The following MED12L variants were observed in gnomAD, a reference collection of about 807,000 sequenced individuals.
MED12L encodes mediator of RNA polymerase II transcription subunit 12-like protein.
Under a neutral mutation model 281.3 loss-of-function variants are expected in MED12L, and 60 were observed. The observed-to-expected ratio is 0.21, with a 90% CI of 0.17 to 0.26. The LOEUF is 0.26. Ranked by LOEUF, MED12L falls within the 10% of genes least tolerant of loss-of-function variation. The pLI is 1.00. For missense variants in MED12L, 2,146 were observed against 2,680.9 expected (o/e 0.80, Z 4.41); for synonymous variants, 974 against 987.2 (o/e 0.99, Z 0.25).
chr3:151,288,228 T>G (rs1185522250), intron 16 of MED12L, among the ~76,000 whole-genome samples: 2 of 152,240 alleles, frequency 1.3e-5, no homozygotes, highest in Non-Finnish European at 1.5e-5. Context: ...TGAGGCACAA[T>G]TCTTACACAG....
chr3:151,162,343 C>T (rs1720106484), intron 8 of MED12L, among the ~76,000 whole-genome samples: 1 of 152,134 alleles, frequency 6.6e-6, no homozygotes, highest in Non-Finnish European at 1.5e-5. Flanking sequence ...TTCTTTGTAT[C>T]TGCTATCTGG....
chr3:151,158,932 T>C, intron 7 of MED12L, 133 bp downstream of exon 7: 1 of 674,036 alleles, frequency 1.5e-6, no homozygotes, highest in Non-Finnish European at 2.6e-6. Flanking sequence ...TCTTTGATGC[T>C]ATAACACATG....
rs543551995 is a variant in MED12L, at chr3:151,284,594, G to T, written c.2251-65465G>T. Among the ~76,000 whole-genome samples, 6 of 152,214 alleles carry T rather than the reference G, an allele frequency of 3.9e-5. No homozygotes were observed. In the East Asian group the frequency reaches 9.7e-4, roughly 25 times the overall value. ...GAATCAGTGAGGCCAAATTTTTTAT[G>T]TATGTTTGTTTGTTTGTTTGTTTGT... On this transcript the variant is annotated intron_variant, in intron 16 of 44. Coordinates refer to ENST00000687756, the MANE Select transcript of MED12L (RefSeq NM_001393769.1).
chr3:151,116,537 CA>C, intron 3 of MED12L, 95 bp downstream of exon 3: 1 of 779,216 alleles, frequency 1.3e-6, no homozygotes, highest in Non-Finnish European at 2.1e-6. Context: ...TTGTTTAAGC[CA>C]CAGTCCATAT....
rs113584921 is a variant in MED12L at position 151,240,976 on chromosome 3, T to A, written c.2250+47310T>A. Among the ~76,000 whole-genome samples the A allele has an allele frequency of 6.8e-3, 1,037 of 152,320 alleles. 7 individuals are homozygous for A. Among genetic ancestry groups the A allele is most frequent in the South Asian group, 0.014 (70 of 4,832 alleles). ...CTAATTGGTGAAACAGGGGCAAGAA[T>A]AGAAGGCCTTTTCCAGTGTCTCCTG... On this transcript the variant is annotated intron_variant, in intron 16 of 44. Transcript: ENST00000687756.
In MED12L at chr3:151,269,217, A is replaced by G. The variant is rs537862082; in HGVS notation, c.2250+75551A>G. On this transcript the variant is annotated intron_variant, in intron 16 of 44. Transcript: ENST00000687756. ...GGAGTTCGAGACCAGCCTGACCAAC[A>G]TGCAGAAACCCCATCTCTACTAAAA... 1.7e-3 allele frequency among the ~76,000 whole-genome samples: 256 copies of G among 152,276 alleles called. 2 individuals carry two copies. Among genetic ancestry groups the G allele is most frequent in the Middle Eastern group, 6.8e-3 (2 of 294 alleles).
At chr3:151,327,991 T>A in intron 16 of MED12L, 2 of 1,544,198 alleles carry the variant, frequency 1.3e-6, no homozygotes, top group Non-Finnish European at 1.7e-6. Context: ...TGTACAGTTG[T>A]CAGCCTAAGG....
chr3:151,393,040 C>T (rs1714490332), intron 38 of MED12L, among the ~76,000 whole-genome samples: 1 of 152,162 alleles, frequency 6.6e-6, no homozygotes, highest in African/African-American at 2.4e-5. Context: ...GATTGATCTT[C>T]TGTTTTTTTC....
chr3:151,338,662 A>G, intron 16 of MED12L: 1 of 1,613,880 alleles, frequency 6.2e-7, no homozygotes, highest in Non-Finnish European at 8.5e-7. Context: ...TTCTTAAGAA[A>G]AATAATAAAG....
intron 16 of MED12L, among the ~76,000 whole-genome samples, chr3:151,283,568 C>T (rs1204802442): frequency 1.3e-5 from 2 of 152,220 alleles, no homozygotes; most frequent in Non-Finnish European, 2.9e-5. Flanking sequence ...CCTAATACCT[C>T]AGTGTTGTCA....
At chr3:151,354,572 C>T (rs995249987) in intron 17 of MED12L, among the ~76,000 whole-genome samples, 2 of 152,112 alleles carry the variant, frequency 1.3e-5, no homozygotes, top group Non-Finnish European at 2.9e-5. Context: ...ATCTCCCCAC[C>T]TTCATTGTGG....
chr3:151,304,596 TAAAA>T (rs5853513), intron 16 of MED12L, among the ~76,000 whole-genome samples: 6 of 147,380 alleles, frequency 4.1e-5, no homozygotes. Flanking sequence ...CAGCTTGGAT[TAAAA>T]AAAAAAAAAA....
At chr3:151,148,105 G>A (rs1381903670) in intron 5 of MED12L, among the ~76,000 whole-genome samples, 2 of 152,010 alleles carry the variant, frequency 1.3e-5, no homozygotes, top group Non-Finnish European at 2.9e-5. Context: ...TTTCTCTATC[G>A]GCTAATGGTG....
chr3:151,120,675 T>C (rs960978295), intron 3 of MED12L, among the ~76,000 whole-genome samples: 12 of 152,272 alleles, frequency 7.9e-5, no homozygotes, highest in African/African-American at 2.9e-4. Flanking sequence ...AAGGAAACAA[T>C]GGAAGGACAC....
At chr3:151,130,664 C>T (rs889411299) in intron 5 of MED12L, among the ~76,000 whole-genome samples, 7 of 152,192 alleles carry the variant, frequency 4.6e-5, no homozygotes, top group South Asian at 2.1e-4. Context: ...GACCTGTGGG[C>T]GCGGCTCTTC....
chr3:151,265,448 A>G (rs1456795091), intron 16 of MED12L, among the ~76,000 whole-genome samples: 1 of 152,056 alleles, frequency 6.6e-6, no homozygotes, highest in Non-Finnish European at 1.5e-5. Flanking sequence ...CTTTACTCTT[A>G]TATTTGTGTC....
chr3:151,237,304 C>T (rs565834999), intron 16 of MED12L, among the ~76,000 whole-genome samples: 75 of 145,252 alleles, frequency 5.2e-4, no homozygotes, highest in African/African-American at 1.8e-3. Flanking sequence ...TCCCAAAGTG[C>T]TGGGATTACA....
chr3:151,218,866 CAAAAAAAAAAAAAAAAAA>C (rs397686351), intron 16 of MED12L, among the ~76,000 whole-genome samples: 1 of 71,334 alleles, frequency 1.4e-5, no homozygotes, highest in Non-Finnish European at 2.8e-5. Flanking sequence ...GACTCAGTCT[CAAAAAAAAAAAAAAAAAA>C]AAAAAAAAAA....
chr3:151,331,071 T>C (rs1750297633), intron 16 of MED12L, among the ~76,000 whole-genome samples: 1 of 152,216 alleles, frequency 6.6e-6, no homozygotes, highest in Admixed American at 6.5e-5. Flanking sequence ...TGGTCAAATT[T>C]CAAAACACTG....
Sources: gnomAD v4.1 joint callset for allele counts (sites outside exome capture counted in the v4.1 genomes callset) on GRCh38, gnomAD v4.1.1 for gene constraint, MANE v1.5 for transcripts, NCBI Gene and HGNC (gene_info 2026-07-23, HGNC 2026-07-21) for gene names.